ISG20: variants seen among roughly 807,000 people sequenced by gnomAD.
ISG20 encodes interferon-stimulated gene 20 kDa protein.
In ISG20, 8 loss-of-function variants were observed where a neutral mutation model predicts 11.1. The observed-to-expected ratio is 0.72, with a 90% CI of 0.42 to 1.30. The LOEUF (loss-of-function observed/expected upper bound fraction) is 1.30. Among genes scored for constraint, ISG20 ranks in the 50% most tolerant of loss-of-function variants. The pLI, the probability that ISG20 is intolerant of heterozygous loss-of-function variation, is 0.01. For synonymous variants in ISG20, 110 were observed against 101.7 expected (o/e 1.08, Z -0.49); for missense variants, 243 against 250.2 (o/e 0.97, Z 0.19).
At chr15:88,638,250 A>C (rs2058016584), upstream of ISG20, among the ~76,000 whole-genome samples, 1 of 152,152 alleles carries the variant, frequency 6.6e-6, no homozygotes, top group Non-Finnish European at 1.5e-5. Context: ...CCCTCATTGA[A>C]AGTTGATTTT....
At chr15:88,653,163 T>G (rs902731320) in intron 3 of ISG20, among the ~76,000 whole-genome samples, 1 of 152,042 alleles carries the variant, frequency 6.6e-6, no homozygotes, top group African/African-American at 2.4e-5. Context: ...AGACGCAGGG[T>G]GAGCAAGACC....
At chr15:88,648,097 C>A (rs545235650) in intron 2 of ISG20, 1 of 152,374 alleles carries the variant, frequency 6.6e-6, no homozygotes, top group South Asian at 2.1e-4. Context: ...GCTGGAGCCA[C>A]TCCAGAAGGT....
At chr15:88,651,695 C>T in intron 2 of ISG20, 2 of 763,256 alleles carry the variant, frequency 2.6e-6, no homozygotes, top group Non-Finnish European at 3.2e-6. Flanking sequence ...TTCCTCTTTG[C>T]CAGGTAATGC....
chr15:88,645,973 C>T (rs1596051796), intron 2 of ISG20, among the ~76,000 whole-genome samples: 1 of 152,326 alleles, frequency 6.6e-6, no homozygotes, highest in East Asian at 1.9e-4. Context: ...AACTGATTTT[C>T]ATAAATACAA....
upstream of ISG20, among the ~76,000 whole-genome samples, chr15:88,636,575 G>C (rs765793605): frequency 6.6e-6 from 1 of 152,280 alleles, no homozygotes; most frequent in Non-Finnish European, 1.5e-5. Flanking sequence ...TAAAGACAAG[G>C]TCTCCCTATG....
chr15:88,640,817 A>G (rs2058067675), intron 2 of ISG20, among the ~76,000 whole-genome samples: 1 of 151,782 alleles, frequency 6.6e-6, no homozygotes, highest in Non-Finnish European at 1.5e-5. Flanking sequence ...AAGTACAAAA[A>G]TTAGCCGGGC....
At chr15:88,647,292 A>C (rs2058194425) in intron 2 of ISG20, 1 of 151,832 alleles carries the variant, frequency 6.6e-6, no homozygotes, top group Non-Finnish European at 1.5e-5. Flanking sequence ...TTACTTTTAT[A>C]ATGTAAGTGC....
intron 2 of ISG20, among the ~76,000 whole-genome samples, chr15:88,642,855 A>T (rs781708063): frequency 2.0e-5 from 3 of 151,956 alleles, no homozygotes; most frequent in Non-Finnish European, 4.4e-5. Context: ...ACCTCAAGTG[A>T]TCCACCCACC....
At chr15:88,653,137 C>G (rs1398786737) in intron 3 of ISG20, among the ~76,000 whole-genome samples, 1 of 152,158 alleles carries the variant, frequency 6.6e-6, no homozygotes, top group East Asian at 1.9e-4. Flanking sequence ...GCTGCCTGCT[C>G]TAGGCCAGAT....
chr15:88,639,685 G>T lies in ISG20; in HGVS notation c.228+91G>T, dbSNP rs561678440. 82 of 969,088 alleles carry T rather than the reference G, an allele frequency of 8.5e-5. 1 individual carries two copies. In the South Asian group the frequency reaches 1.2e-3, roughly 14 times the overall value. 60.0% of individuals were successfully genotyped at this position (969,088 alleles called of 1,614,324 possible). ...TCCCTGGTGCCCATCTGTGACCTGTGACCCCACTTGTAAGATTTCCCACAC... is the reference window on the plus strand; with the variant it reads ...TCCCTGGTGCCCATCTGTGACCTGTTACCCCACTTGTAAGATTTCCCACAC... On this transcript the variant is annotated intron_variant, in intron 2 of 3. Coordinates refer to ENST00000306072, the MANE Select transcript of ISG20 (RefSeq NM_002201.6). This position sits in a 1 kb window ranked among gnomAD's most constrained non-coding sequence, Gnocchi z 4.2.
chr15:88,637,324 G>A (rs2057999815), upstream of ISG20: 1 of 136,636 alleles, frequency 7.3e-6, no homozygotes, highest in Non-Finnish European at 1.6e-5. Context: ...GCCTGGAGTT[G>A]AGGTTTGATT....
At position 88,652,639 on chromosome 15, in the gene ISG20, C is replaced by G. The variant is rs142449096; in HGVS notation, c.429+329C>G. ...TCCTCCTCCCCTGTCCCCTCCCTTT[C>G]CTCCTCCTCCCTCATGCCCTCGCAC... On this transcript the variant is annotated intron_variant, in intron 3 of 3. Transcript: ENST00000306072. Among the ~76,000 whole-genome samples, 194 of 126,146 alleles carry G rather than the reference C, an allele frequency of 1.5e-3. 1 individual carries two copies. The highest frequency in any genetic ancestry group is 5.6e-3 in the African/African-American group (182 of 32,482). The allele number at this position is 126,146 out of a possible 152,430, so 82.8% of individuals were successfully genotyped here. A position where few individuals can be genotyped will look rare whatever the true frequency, so the allele number is the denominator to read the frequency against.
At position 88,650,358 on chromosome 15, in the gene ISG20, A is replaced by T. The variant is rs745623625; in HGVS notation, c.229-1752A>T. 1.3e-6 allele frequency: 2 copies of T among 1,534,004 alleles called. No individual in the cohort carries two copies. The highest frequency in any genetic ancestry group is 8.7e-7 in the Non-Finnish European group (1 of 1,146,270). On this transcript the variant is annotated intron_variant, in intron 2 of 3. Transcript: ENST00000306072. The surrounding 1 kb of genome is among the most constrained non-coding windows in gnomAD (Gnocchi z 4.0). ...AGGAACGCGGGGCTGGGGCAGTCAC[A>T]GCTGGGCGCCTGGGCTGCTGGAGGC... is the stretch of plus-strand genomic sequence containing the variant.
intron 2 of ISG20, among the ~76,000 whole-genome samples, chr15:88,646,643 G>A (rs73465639): frequency 0.068 from 10,379 of 152,162 alleles, 922 homozygotes; most frequent in African/African-American, 0.21. Flanking sequence ...TCAGGCTCAC[G>A]GGCCCCCAAA....
At chr15:88,640,564 G>C (rs1266234336) in intron 2 of ISG20, among the ~76,000 whole-genome samples, 3 of 152,100 alleles carry the variant, frequency 2.0e-5, no homozygotes, top group East Asian at 1.9e-4. Context: ...CAACCTCTTT[G>C]TACCCAGTAA....
At chr15:88,642,791 A>G (rs2058104645) in intron 2 of ISG20, among the ~76,000 whole-genome samples, 1 of 151,796 alleles carries the variant, frequency 6.6e-6, no homozygotes, top group Non-Finnish European at 1.5e-5. Context: ...TAATTTTTGT[A>G]TTTTCAGTAG....
At chr15:88,636,295 A>C (rs906767154), upstream of ISG20, 5 of 152,278 alleles carry the variant, frequency 3.3e-5, no homozygotes, top group Admixed American at 3.3e-4. Flanking sequence ...AGTTAAAGGT[A>C]GAGCGTCGGC....
intron 2 of ISG20, chr15:88,649,340 C>T (rs1407393110): frequency 6.6e-6 from 1 of 152,224 alleles, no homozygotes; most frequent in Non-Finnish European, 1.5e-5. Context: ...CTCATGTAGA[C>T]CCCCACTTCC....
At chr15:88,640,232 A>G (rs2058057343) in intron 2 of ISG20, among the ~76,000 whole-genome samples, 2 of 152,204 alleles carry the variant, frequency 1.3e-5, no homozygotes, top group South Asian at 4.1e-4. Context: ...AAATCTCAGA[A>G]GGGCAGGCGA....
Sources: gnomAD v4.1 joint callset for allele counts (sites outside exome capture counted in the v4.1 genomes callset) on GRCh38, gnomAD v4.1.1 for gene constraint, Gnocchi (gnomAD v3.1) non-coding constraint, MANE v1.5 for transcripts, NCBI Gene and HGNC (gene_info 2026-07-23, HGNC 2026-07-21) for gene names.